The following PRKN variants were observed in gnomAD, a reference collection of about 807,000 sequenced individuals.
PRKN encodes E3 ubiquitin-protein ligase parkin.
A neutral mutation model predicts 59.5 loss-of-function variants in PRKN; 56 were observed. The observed-to-expected ratio is 0.94, with a 90% confidence interval of 0.76 to 1.18. PRKN has a LOEUF of 1.18. Ranked by LOEUF, PRKN falls within the 50% of genes most tolerant of loss-of-function variation. The probability of loss-of-function intolerance (pLI) is 0.00; values close to 1 mark genes in which losing one functional copy is unlikely to be tolerated. For missense variants in PRKN, 657 were observed against 596.4 expected (o/e 1.10, Z -1.06); for synonymous variants, 250 against 222.1 (o/e 1.13, Z -1.12).
chr6:162,301,841 A>G (rs1781974376), intron 2 of PRKN, among the ~76,000 whole-genome samples: 1 of 147,244 alleles, frequency 6.8e-6, no homozygotes, highest in African/African-American at 2.5e-5. Flanking sequence ...CAATGCTTCG[A>G]TTATATCTCC....
intron 1 of PRKN, among the ~76,000 whole-genome samples, chr6:162,593,197 C>CAG (rs1441851893): frequency 2.6e-5 from 4 of 152,234 alleles, no homozygotes; most frequent in South Asian, 2.1e-4. Context: ...CAGAAAGACC[C>CAG]AGAGGCAAGT....
rs998472480 is a variant in PRKN, at chr6:161,451,424, C to A, written c.1084-64547G>T. The stretch of plus-strand genomic sequence containing the variant: ...TTAGCATAGGCAGAGTACTGAGAAG[C>A]CTTCCTTGTGCCTGTCACTACACTT... On this transcript the variant is annotated intron_variant, in intron 9 of 11. Transcript: ENST00000366898. The surrounding 1 kb of genome is among the most constrained non-coding windows in gnomAD (Gnocchi z 5.9). Among the ~76,000 whole-genome samples, 1 of 152,084 alleles carries A rather than the reference C, an allele frequency of 6.6e-6. No individual in the cohort carries two copies. The highest frequency in any genetic ancestry group is 1.5e-5 in the Non-Finnish European group (1 of 68,024).
rs1441970445 is a variant in PRKN at position 161,405,364 on chromosome 6, G to A, written c.1084-18487C>T. On this transcript the variant is annotated intron_variant, in intron 9 of 11. Coordinates refer to ENST00000366898, the MANE Select transcript of PRKN (RefSeq NM_004562.3). The surrounding 1 kb of genome is among the most constrained non-coding windows in gnomAD (Gnocchi z 5.1). Reference sequence around the variant, plus strand: ...AGGCTGAGGCAGGTGGATCAATTGAGGTCAGGAGTTCGAGACCAGCCTGGC... The same window carrying A: ...AGGCTGAGGCAGGTGGATCAATTGAAGTCAGGAGTTCGAGACCAGCCTGGC... Among the ~76,000 whole-genome samples the A allele has an allele frequency of 1.3e-5, 2 of 152,010 alleles. No homozygotes were observed. The highest frequency in any genetic ancestry group is 3.9e-4 in the East Asian group (2 of 5,172).
At chr6:161,535,660 T>C (rs1779386920) in intron 9 of PRKN, among the ~76,000 whole-genome samples, 2 of 152,252 alleles carry the variant, frequency 1.3e-5, no homozygotes, top group Admixed American at 1.3e-4. Context: ...TACGATGTTG[T>C]GTGCTACTTC....
Position 161,428,502 on chromosome 6 carries a change from C to A in PRKN, c.1084-41625G>T, listed in dbSNP as rs1001416817. Among the ~76,000 whole-genome samples the A allele has an allele frequency of 2.0e-5, 3 of 152,102 alleles. No homozygotes were observed. The highest frequency in any genetic ancestry group is 7.2e-5 in the African/African-American group (3 of 41,400). ...GAACCTGGCTGGCATCGCAGATGCC[C>A]GTGCCCAGGGCAGCAGCCATAAAGG... On this transcript the variant is annotated intron_variant, in intron 9 of 11. Transcript: ENST00000366898. The surrounding 1 kb of genome is among the most constrained non-coding windows in gnomAD (Gnocchi z 4.0).
intron 5 of PRKN, among the ~76,000 whole-genome samples, chr6:161,976,406 C>A (rs1229930095): frequency 6.6e-6 from 1 of 152,192 alleles, no homozygotes; most frequent in Non-Finnish European, 1.5e-5. Flanking sequence ...CTGGAGTGGA[C>A]AGGATGTCCA....
At chr6:161,743,379 C>A (rs1788277044) in intron 7 of PRKN, among the ~76,000 whole-genome samples, 1 of 121,844 alleles carries the variant, frequency 8.2e-6, no homozygotes, top group South Asian at 2.7e-4. Context: ...GCCACCACAT[C>A]CAGCTTTTTT....
chr6:161,628,791 A>G (rs930070740), intron 7 of PRKN, among the ~76,000 whole-genome samples: 1 of 152,154 alleles, frequency 6.6e-6, no homozygotes, highest in Non-Finnish European at 1.5e-5. Flanking sequence ...GCAGGGCTAC[A>G]TTTGGCCCTG....
At chr6:161,358,221 C>T (rs771087816) in intron 11 of PRKN, among the ~76,000 whole-genome samples, 2 of 152,032 alleles carry the variant, frequency 1.3e-5, no homozygotes, top group Non-Finnish European at 2.9e-5. Context: ...AATATAAAGT[C>T]TTTATATAGG....
At chr6:162,094,982 T>C (rs900506503) in intron 4 of PRKN, among the ~76,000 whole-genome samples, 4 of 152,100 alleles carry the variant, frequency 2.6e-5, no homozygotes, top group Admixed American at 1.3e-4. Flanking sequence ...GATAGGTAGA[T>C]AGATGCCAGA....
rs75976935 is a variant in PRKN at position 161,549,139 on chromosome 6, T to C, written c.934-136A>G. ...ATGCATGTGTGTGTGTGTGTGTGTG[T>C]GTAGGGGGAGGGAGAGGGCCACGGG... On this transcript the variant is annotated intron_variant, in intron 8 of 11. Transcript: ENST00000366898. The surrounding 1 kb of genome is among the most constrained non-coding windows in gnomAD (Gnocchi z 6.0). 9.6e-6 allele frequency: 7 copies of C among 726,436 alleles called. No individual in the cohort carries two copies. The highest frequency in any genetic ancestry group is 1.6e-5 in the Non-Finnish European group (7 of 448,030). 45.0% of individuals were successfully genotyped at this position (726,436 alleles called of 1,614,324 possible). A position where few individuals can be genotyped will look rare whatever the true frequency, so the allele number is the denominator to read the frequency against.
chr6:162,384,574 A>G (rs1414292367), intron 2 of PRKN, among the ~76,000 whole-genome samples: 3 of 151,224 alleles, frequency 2.0e-5, no homozygotes, highest in Non-Finnish European at 4.4e-5. Flanking sequence ...AGATAGAGTG[A>G]GCACATGTTG....
intron 4 of PRKN, among the ~76,000 whole-genome samples, chr6:162,092,183 G>A (rs1017259870): frequency 4.6e-5 from 7 of 151,868 alleles, no homozygotes; most frequent in East Asian, 3.9e-4. Context: ...GCGAAACCCC[G>A]GCTCTACTAA....
At chr6:162,628,252 G>C (rs140478595) in intron 1 of PRKN, among the ~76,000 whole-genome samples, 159 of 152,148 alleles carry the variant, frequency 1.0e-3, no homozygotes, top group African/African-American at 3.7e-3. Context: ...TGAAAATTAA[G>C]GTAAAGGGAA....
intron 4 of PRKN, among the ~76,000 whole-genome samples, chr6:162,168,190 C>T (rs750343905): frequency 2.0e-5 from 3 of 151,988 alleles, no homozygotes; most frequent in Non-Finnish European, 4.4e-5. Flanking sequence ...CCTTGTAAGA[C>T]GAATTTCTTT....
At chr6:162,218,391 G>A (rs1257913123) in intron 3 of PRKN, among the ~76,000 whole-genome samples, 1 of 152,130 alleles carries the variant, frequency 6.6e-6, no homozygotes, top group African/African-American at 2.4e-5. Context: ...CCAGCACTGT[G>A]TAGTACATGC....
intron 1 of PRKN, among the ~76,000 whole-genome samples, chr6:162,645,921 C>G (rs371396816): frequency 1.3e-3 from 183 of 137,560 alleles, no homozygotes; most frequent in African/African-American, 4.5e-3. Context: ...GTCGCCCAGG[C>G]TGGAGTGCAG....
chr6:161,464,293 C>T (rs943677742), intron 9 of PRKN, among the ~76,000 whole-genome samples: 4 of 152,268 alleles, frequency 2.6e-5, no homozygotes, highest in South Asian at 2.1e-4. Flanking sequence ...GAATTACAGG[C>T]GTGGGCCACC....
At chr6:162,052,956 T>C (rs536048282) in intron 5 of PRKN, among the ~76,000 whole-genome samples, 13 of 152,160 alleles carry the variant, frequency 8.5e-5, no homozygotes, top group Non-Finnish European at 1.9e-4. Flanking sequence ...ACATATTACA[T>C]TTGTATACAT....
Sources: gnomAD v4.1 joint callset for allele counts (sites outside exome capture counted in the v4.1 genomes callset) on GRCh38, gnomAD v4.1.1 for gene constraint, Gnocchi (gnomAD v3.1) non-coding constraint, MANE v1.5 for transcripts, NCBI Gene and HGNC (gene_info 2026-07-23, HGNC 2026-07-21) for gene names.